NBAS: variants seen among roughly 807,000 people sequenced by gnomAD.
The protein encoded by NBAS is NBAS subunit of NRZ tethering complex, also known as NAG/BC035112 fusion.
Under a neutral mutation model 302.5 loss-of-function variants are expected in NBAS, and 219 were observed. The ratio of observed to expected loss-of-function variants is 0.72; its 90% CI spans 0.65 to 0.81. The LOEUF is 0.81. Among genes scored for constraint, NBAS ranks in the 30% least tolerant of loss-of-function variants. The pLI, the probability that NBAS is intolerant of heterozygous loss-of-function variation, is 0.00. For missense variants in NBAS, 2,932 were observed against 2,841.6 expected (o/e 1.03, Z -0.72); for synonymous variants, 1,118 against 1,021.6 (o/e 1.09, Z -1.80).
chr2:15,353,851 C>T (rs1673487876), intron 33 of NBAS, 141 bp from the exon 34 acceptor site: 1 of 1,025,260 alleles, frequency 9.8e-7, no homozygotes, highest in African/African-American at 1.6e-5. Context: ...ATTTTATAAG[C>T]AGAAACAGAT....
the NBAS span, among the ~76,000 whole-genome samples, chr2:14,864,073 C>T: frequency 6.6e-6 from 1 of 152,122 alleles, no homozygotes; most frequent in Non-Finnish European, 1.5e-5. Context: ...AATCCCAGCA[C>T]TTTGGGAGGG....
the NBAS span, among the ~76,000 whole-genome samples, chr2:15,084,331 G>C: frequency 6.6e-6 from 1 of 152,134 alleles, no homozygotes; most frequent in African/African-American, 2.4e-5. Context: ...CCAAAGTGCT[G>C]GTATTACAGG....
At chr2:15,148,601 G>A in the NBAS span, among the ~76,000 whole-genome samples, 1 of 152,186 alleles carries the variant, frequency 6.6e-6, no homozygotes, top group East Asian at 1.9e-4. Context: ...GGACAGGAAT[G>A]TGATAGGAGG....
At chr2:15,116,882 GA>G in the NBAS span, among the ~76,000 whole-genome samples, 7 of 151,818 alleles carry the variant, frequency 4.6e-5, no homozygotes, top group African/African-American at 1.7e-4. Flanking sequence ...TTTTTAATCA[GA>G]AAAAAATCAC....
At chr2:14,781,761 C>A in the NBAS span, among the ~76,000 whole-genome samples, 1 of 116,436 alleles carries the variant, frequency 8.6e-6, no homozygotes, top group Non-Finnish European at 1.8e-5. Flanking sequence ...AAAAAAAAAA[C>A]TGGCATTAAG....
rs138379864 is a variant in NBAS at position 15,399,231 on chromosome 2, A to C, written c.3072-2756T>G. On this transcript the variant is annotated intron_variant, in intron 26 of 51. Transcript: ENST00000281513. ...GTCAGTGATTTTGCCTGGTCGACTT[A>C]GGAACAAGAAATGAGATATGAAGCT... 2.9e-3 allele frequency among the ~76,000 whole-genome samples: 443 copies of C among 152,250 alleles called. 2 individuals carry two copies. Among genetic ancestry groups the C allele is most frequent in the African/African-American group, 1.0e-2 (414 of 41,536 alleles).
At chr2:15,030,908 T>G in the NBAS span, among the ~76,000 whole-genome samples, 1 of 152,128 alleles carries the variant, frequency 6.6e-6, no homozygotes, top group Admixed American at 6.5e-5. Flanking sequence ...TGAGAACCAC[T>G]GCAAGAGATT....
the NBAS span, among the ~76,000 whole-genome samples, chr2:14,819,563 T>A: frequency 6.6e-6 from 1 of 152,204 alleles, no homozygotes; most frequent in Non-Finnish European, 1.5e-5. Context: ...TGAGAGGATT[T>A]CAAGGACTTA....
chr2:14,891,463 C>T, the NBAS span, among the ~76,000 whole-genome samples: 1 of 152,042 alleles, frequency 6.6e-6, no homozygotes, highest in African/African-American at 2.4e-5. Flanking sequence ...GTGTGTGAGG[C>T]AAATGGATCA....
At chr2:15,010,230 T>C in the NBAS span, among the ~76,000 whole-genome samples, 1 of 152,080 alleles carries the variant, frequency 6.6e-6, no homozygotes, top group African/African-American at 2.4e-5. Context: ...CAAGGAATTA[T>C]AAACCCAGGA....
chr2:14,944,359 C>A, the NBAS span, among the ~76,000 whole-genome samples: 1 of 152,134 alleles, frequency 6.6e-6, no homozygotes, highest in East Asian at 1.9e-4. Flanking sequence ...TGCTATGAAT[C>A]CTGCACAGTG....
At chr2:14,991,419 C>G in the NBAS span, among the ~76,000 whole-genome samples, 2 of 152,144 alleles carry the variant, frequency 1.3e-5, no homozygotes, top group African/African-American at 4.8e-5. Context: ...TTTTCAAACT[C>G]CAGAAACATA....
the NBAS span, among the ~76,000 whole-genome samples, chr2:14,885,550 G>A: frequency 6.6e-6 from 1 of 152,168 alleles, no homozygotes. Flanking sequence ...GAGTATATAT[G>A]TGAGGAGTAG....
chr2:15,034,278 G>GAAAGAAAAAGAA, the NBAS span, among the ~76,000 whole-genome samples: 1 of 127,392 alleles, frequency 7.8e-6, no homozygotes, highest in Non-Finnish European at 1.7e-5. Context: ...GAAAGAAAGA[G>GAAAGAAAAAGAA]AGAAAGAAAG....
chr2:15,293,947 T>C (rs927724150), intron 40 of NBAS, among the ~76,000 whole-genome samples: 1 of 152,224 alleles, frequency 6.6e-6, no homozygotes, highest in African/African-American at 2.4e-5. Context: ...CACTGAGTCC[T>C]ACTCTCAAAA....
At chr2:15,285,249 T>C (rs1265088073) in intron 42 of NBAS, among the ~76,000 whole-genome samples, 3 of 152,172 alleles carry the variant, frequency 2.0e-5, no homozygotes, top group Non-Finnish European at 4.4e-5. Context: ...AAATTAAAGG[T>C]GCTAAAAATA....
chr2:14,781,836 A>G, the NBAS span, among the ~76,000 whole-genome samples: 1 of 152,044 alleles, frequency 6.6e-6, no homozygotes, highest in South Asian at 2.1e-4. Context: ...ATTGACACTG[A>G]TAGTAACTGA....
intron 48 of NBAS, among the ~76,000 whole-genome samples, chr2:15,211,512 C>G (rs1666409521): frequency 6.6e-6 from 1 of 152,184 alleles, no homozygotes; most frequent in South Asian, 2.1e-4. Flanking sequence ...GAAAAGTTAT[C>G]CCCAGTTATT....
intron 41 of NBAS, among the ~76,000 whole-genome samples, chr2:15,290,084 T>G (rs368705962): frequency 0.025 from 1,463 of 59,698 alleles, no homozygotes; most frequent in Middle Eastern, 0.066. Flanking sequence ...GGGGAGAGAG[T>G]AGAGGGGAGA....
Sources: gnomAD v4.1 joint callset for allele counts (sites outside exome capture counted in the v4.1 genomes callset) on GRCh38, gnomAD v4.1.1 for gene constraint, MANE v1.5 for transcripts, NCBI Gene and HGNC (gene_info 2026-07-23, HGNC 2026-07-21) for gene names.